The following PPFIA4 variants were observed in gnomAD, a reference collection of about 807,000 sequenced individuals.
PPFIA4 encodes PPFI scaffold protein A4, also known as liprin-alpha-4.
Under a neutral mutation model 145.7 loss-of-function variants are expected in PPFIA4, and 98 were observed. The observed-to-expected ratio is 0.67, with a 90% CI of 0.57 to 0.80. The LOEUF (loss-of-function observed/expected upper bound fraction) is 0.80, where lower values mean the gene tolerates loss of function less well. Ranked by LOEUF, PPFIA4 falls within the 30% of genes least tolerant of loss-of-function variation. The probability of loss-of-function intolerance (pLI) is 0.00; values close to 1 mark genes in which losing one functional copy is unlikely to be tolerated. For synonymous variants in PPFIA4, 628 were observed against 649.6 expected (o/e 0.97, Z 0.51); for missense variants, 1,457 against 1,632.7 (o/e 0.89, Z 1.85).
rs375764187 is a variant in PPFIA4, at chr1:203,076,436, C to T, written c.*46C>T. 1.9e-6 allele frequency: 3 copies of T among 1,565,408 alleles called. No individual in the cohort carries two copies. In the African/African-American group the frequency reaches 4.1e-5, roughly 21 times the overall value. On this transcript the variant is annotated 3_prime_UTR_variant, in exon 30 of 30. Coordinates refer to ENST00000295706, the MANE Select transcript of PPFIA4 (RefSeq NM_001304331.2). The stretch of plus-strand genomic sequence containing the variant: ...TTCCTCCTTCTGGGTTTCACAGGCT[C>T]CTCTGGCCCTGACCCCTCTTGCTCG...
chr1:203,031,303 C>T (rs782793), intron 1 of PPFIA4, among the ~76,000 whole-genome samples: 100,591 of 152,120 alleles, frequency 0.66, 33,469 homozygotes, highest in South Asian at 0.7. Context: ...AGCAATCTCC[C>T]TGCCTTGGCC....
rs1662648759 is a variant in PPFIA4, at chr1:203,077,916, C to G, written c.*1526C>G. 1 of 152,276 alleles carries G rather than the reference C, an allele frequency of 6.6e-6. No homozygotes were observed. Among genetic ancestry groups the G allele is most frequent in the Admixed American group, 6.5e-5 (1 of 15,284 alleles). The allele number at this position is 152,276 out of a possible 1,614,324, so 9.4% of individuals were successfully genotyped here. A position where few individuals can be genotyped will look rare whatever the true frequency, so the allele number is the denominator to read the frequency against. On this transcript the variant is annotated 3_prime_UTR_variant, in exon 30 of 30. Coordinates refer to ENST00000295706, the MANE Select transcript of PPFIA4 (RefSeq NM_001304331.2). ...TAGGGGCCAGTGCAGTGCCATCCTA[C>G]AGGTGGCTGGAGCAGCTGCTTTGCA...
chr1:203,051,682 A>T, intron 13 of PPFIA4, 87 bp from the exon 14 acceptor site: 1 of 1,518,496 alleles, frequency 6.6e-7, no homozygotes, highest in Middle Eastern at 1.7e-4. Flanking sequence ...TGAGCTGAAG[A>T]TCCCTTGACT....
intron 2 of PPFIA4, among the ~76,000 whole-genome samples, chr1:203,039,652 A>G (rs548440123): frequency 6.6e-6 from 1 of 152,250 alleles, no homozygotes; most frequent in African/African-American, 2.4e-5. Flanking sequence ...GCATAGATCA[A>G]AAAAGCAAGA....
chr1:203,061,386 T>C (rs2102674128), intron 23 of PPFIA4: 1 of 522,432 alleles, frequency 1.9e-6, no homozygotes, highest in Non-Finnish European at 3.4e-6. Flanking sequence ...ATGGGGAGTG[T>C]TGGGAGAGCT....
intron 1 of PPFIA4, among the ~76,000 whole-genome samples, chr1:203,027,946 G>A (rs1415635018): frequency 1.3e-5 from 2 of 152,228 alleles, no homozygotes; most frequent in Non-Finnish European, 2.9e-5. Context: ...TAACTGGCCA[G>A]GTAGTCCCAG....
In PPFIA4 at chr1:203,060,833, C is replaced by A; in HGVS notation, c.2785-137C>A. 2 of 748,270 alleles carry A rather than the reference C, an allele frequency of 2.7e-6. No homozygotes were observed. Among genetic ancestry groups the A allele is most frequent in the Non-Finnish European group, 4.6e-6 (2 of 433,476 alleles). The allele number at this position is 748,270 out of a possible 1,614,324, so 46.4% of individuals were successfully genotyped here. ...TGGGGTGGAGTCTTTCATTGTCGGC[C>A]ATCTCCATGATTGAGACCAGCCCCC... On this transcript the variant is annotated intron_variant, in intron 22 of 29. Transcript: ENST00000295706. The surrounding 1 kb of genome is among the most constrained non-coding windows in gnomAD (Gnocchi z 4.8).
chr1:203,032,607 A>ATTTTT (rs144372683), intron 1 of PPFIA4, among the ~76,000 whole-genome samples: 5 of 121,132 alleles, frequency 4.1e-5, no homozygotes, highest in African/African-American at 1.3e-4. Context: ...CCCAGCTAAC[A>ATTTTT]TTTTTTTTTT....
chr1:203,047,094 C>T (rs150742541), intron 9 of PPFIA4, among the ~76,000 whole-genome samples: 1 of 152,228 alleles, frequency 6.6e-6, no homozygotes, highest in East Asian at 1.9e-4. Context: ...GAACCCGTGG[C>T]GAGAAGAAAA....
intron 20 of PPFIA4, among the ~76,000 whole-genome samples, 164 bp from the exon 21 acceptor site, chr1:203,059,606 G>A (rs540913470): frequency 1.3e-5 from 2 of 152,162 alleles, no homozygotes; most frequent in African/African-American, 4.8e-5. Context: ...CCCATTTCTT[G>A]TTGTATTTCT....
intron 14 of PPFIA4, among the ~76,000 whole-genome samples, chr1:203,052,177 G>A (rs1296444464): frequency 6.6e-6 from 1 of 151,606 alleles, no homozygotes; most frequent in Non-Finnish European, 1.5e-5. Context: ...TCTGGTGGTC[G>A]GGCGTGGGGG....
chr1:203,034,547 T>TG (rs1212348483), intron 1 of PPFIA4: 2 of 453,746 alleles, frequency 4.4e-6, no homozygotes, highest in Non-Finnish European at 8.8e-6. Context: ...CCTATGGGAG[T>TG]GGGGGGCAGT....
rs562131567 is a variant in PPFIA4 at position 203,078,387 on chromosome 1, A to G, written c.*1997A>G. 2 of 152,354 alleles carry G rather than the reference A, an allele frequency of 1.3e-5. No individual in the cohort carries two copies. Among genetic ancestry groups the G allele is most frequent in the South Asian group, 4.1e-4 (2 of 4,822 alleles). The allele number at this position is 152,354 out of a possible 1,614,324, so 9.4% of individuals were successfully genotyped here. A position where few individuals can be genotyped will look rare whatever the true frequency, so the allele number is the denominator to read the frequency against. On this transcript the variant is annotated 3_prime_UTR_variant, in exon 30 of 30. Coordinates refer to ENST00000295706, the MANE Select transcript of PPFIA4 (RefSeq NM_001304331.2). ...CTCAGTCCCAGCCTCTCCCCTCTACAACTCCTGCCACTGTTGGCCATGTCG... is the reference window on the plus strand; with the variant it reads ...CTCAGTCCCAGCCTCTCCCCTCTACGACTCCTGCCACTGTTGGCCATGTCG...
rs1203804807 is a variant in PPFIA4 at position 203,060,146 on chromosome 1, C to A, written c.2584-71C>A. On this transcript the variant is annotated intron_variant, in intron 21 of 29. Transcript: ENST00000295706. The surrounding 1 kb of genome is among the most constrained non-coding windows in gnomAD (Gnocchi z 4.8). ...CCGTGGATGAGGCCTGGCCCTTGCC[C>A]CTTGCTGTTGCCAAACTCTTGGTGG... 6 of 1,498,564 alleles carry A rather than the reference C, an allele frequency of 4.0e-6. No homozygotes were observed. The highest frequency in any genetic ancestry group is 5.5e-6 in the Non-Finnish European group (6 of 1,092,932). 92.8% of individuals were successfully genotyped at this position (1,498,564 alleles called of 1,614,324 possible). A position where few individuals can be genotyped will look rare whatever the true frequency, so the allele number is the denominator to read the frequency against.
rs549873910 is a variant in PPFIA4, at chr1:203,056,459, C to A, written c.2191C>A (p.Arg731=). 3.7e-6 allele frequency: 6 copies of A among 1,613,862 alleles called. No homozygotes were observed. The African/African-American group carries it at 5.3e-5, about 14-fold the overall frequency. ...TCCTCCTTCCTCACCCAGGACGCTG[C>A]GGCTAGAGAAGCTTGGCCACCCAGC... is the stretch of plus-strand genomic sequence containing the variant. ...TSPPSSPRTL[R]LEKLGHPALS... is the part of the protein sequence containing the mutation. Residue 731 remains arginine, a synonymous_variant, in exon 18 of 30, where the codon CGG becomes AGG. Coordinates refer to ENST00000295706, the MANE Select transcript of PPFIA4 (RefSeq NM_001304331.2).
rs1453306964 is a variant in PPFIA4 at position 203,067,805 on chromosome 1, G to A, written c.3148+13G>A. ...CATGAGATCAAGGGTAAGCTCGTCAGGCTTGGAGAGGGTTCGGGAGCAGCC... is the reference window on the plus strand; with the variant it reads ...CATGAGATCAAGGGTAAGCTCGTCAAGCTTGGAGAGGGTTCGGGAGCAGCC... On this transcript the variant is annotated intron_variant, in intron 26 of 29. Coordinates refer to ENST00000295706, the MANE Select transcript of PPFIA4 (RefSeq NM_001304331.2). The A allele has an allele frequency of 3.1e-6, 5 of 1,612,908 alleles. No homozygotes were observed. Among genetic ancestry groups the A allele is most frequent in the Non-Finnish European group, 8.5e-7 (1 of 1,179,442 alleles).
intron 16 of PPFIA4, 108 bp from the exon 17 acceptor site, chr1:203,056,012 G>T: frequency 9.2e-7 from 1 of 1,092,112 alleles, no homozygotes; most frequent in Non-Finnish European, 1.3e-6. Flanking sequence ...GGGCCTGTGT[G>T]AGGCACTGAA....
rs775876695 is a variant in PPFIA4 at position 203,039,141 on chromosome 1, C to T, written c.133C>T (p.Arg45Trp). The T allele has an allele frequency of 3.0e-5, 48 of 1,607,764 alleles. 1 individual carries two copies. Among genetic ancestry groups the T allele is most frequent in the South Asian group, 2.2e-4 (20 of 90,206 alleles). ...DEREKLLESL[R>W]ESQETLAATQ... ...GCGGGAGAAGTTGCTGGAGTCTCTT[C>T]GGGAGAGTCAGGAGACCTTGGCGGC... The change falls in exon 2 of 30, where the codon CGG becomes TGG. Residue 45 changes from arginine (R) to tryptophan (W), a missense_variant. Physicochemically the swap from Arg to Trp is moderately radical, Grantham distance 101. Coordinates refer to ENST00000295706, the MANE Select transcript of PPFIA4 (RefSeq NM_001304331.2).
In PPFIA4 at chr1:203,076,490, C is replaced by T. The variant is rs1662559706; in HGVS notation, c.*100C>T. The T allele has an allele frequency of 3.3e-6, 4 of 1,220,050 alleles. No individual in the cohort carries two copies. Among genetic ancestry groups the T allele is most frequent in the Middle Eastern group, 1.9e-4 (1 of 5,282 alleles). The allele number at this position is 1,220,050 out of a possible 1,614,324, so 75.6% of individuals were successfully genotyped here. On this transcript the variant is annotated 3_prime_UTR_variant, in exon 30 of 30. Transcript: ENST00000295706. The stretch of plus-strand genomic sequence containing the variant: ...CCCTTCCTTCCGCAGCTCCTAGTCT[C>T]GTCCGTGACTTTCCGGTTGCCCTGG...
Sources: gnomAD v4.1 joint callset for allele counts (sites outside exome capture counted in the v4.1 genomes callset) on GRCh38, gnomAD v4.1.1 for gene constraint, Gnocchi (gnomAD v3.1) non-coding constraint, MANE v1.5 for transcripts, NCBI Gene and HGNC (gene_info 2026-07-23, HGNC 2026-07-21) for gene names.